The following SGCZ variants were observed in gnomAD, a reference collection of about 807,000 sequenced individuals.
SGCZ encodes zeta-sarcoglycan.
In SGCZ, 40 loss-of-function variants were observed where a neutral mutation model predicts 41.3. The ratio of observed to expected loss-of-function variants is 0.97; its 90% CI spans 0.75 to 1.26. The LOEUF is 1.26. Among genes scored for constraint, SGCZ ranks in the 50% most tolerant of loss-of-function variants. The probability of loss-of-function intolerance (pLI) is 0.00; values close to 1 mark genes in which losing one functional copy is unlikely to be tolerated. For synonymous variants in SGCZ, 206 were observed against 137.5 expected (o/e 1.50, Z -3.49); for missense variants, 552 against 369.8 (o/e 1.49, Z -4.04).
chr8:14,231,864 T>C (rs1347746301), intron 4 of SGCZ, among the ~76,000 whole-genome samples: 1 of 152,088 alleles, frequency 6.6e-6, no homozygotes, highest in Non-Finnish European at 1.5e-5. Context: ...TTACATTTCC[T>C]TTTACCCCTT....
At chr8:15,146,542 A>T (rs564724185) in intron 1 of SGCZ, among the ~76,000 whole-genome samples, 57 of 152,324 alleles carry the variant, frequency 3.7e-4, no homozygotes, top group African/African-American at 1.3e-3. Context: ...ACCTGGCAGG[A>T]GGCCAATTTT....
chr8:15,144,256 T>G (rs1245656156), intron 1 of SGCZ, among the ~76,000 whole-genome samples: 3 of 152,322 alleles, frequency 2.0e-5, no homozygotes, highest in Middle Eastern at 3.4e-3. Context: ...ATATTTCTTA[T>G]GCATTTTTAA....
intron 2 of SGCZ, among the ~76,000 whole-genome samples, chr8:14,447,808 A>G (rs1800475969): frequency 6.6e-6 from 1 of 152,188 alleles, no homozygotes; most frequent in Non-Finnish European, 1.5e-5. Context: ...ATGACTTTGC[A>G]TTGTTTGATC....
intron 3 of SGCZ, among the ~76,000 whole-genome samples, chr8:14,276,903 T>C (rs1800255196): frequency 6.6e-6 from 1 of 152,174 alleles, no homozygotes; most frequent in Non-Finnish European, 1.5e-5. Context: ...ATATAGGGTG[T>C]ACACCAAGTA....
chr8:14,722,993 G>A (rs562785724), intron 1 of SGCZ, among the ~76,000 whole-genome samples: 1 of 152,088 alleles, frequency 6.6e-6, no homozygotes, highest in South Asian at 2.1e-4. Context: ...TTCAAGTCAC[G>A]CAGATTCTAA....
intron 1 of SGCZ, among the ~76,000 whole-genome samples, chr8:14,830,976 AG>A (rs1388051652): frequency 5.3e-5 from 8 of 152,302 alleles, no homozygotes; most frequent in South Asian, 4.1e-4. Context: ...GTGTAGAAAG[AG>A]CTCTTGAAAG....
intron 1 of SGCZ, among the ~76,000 whole-genome samples, chr8:15,117,261 A>C (rs935921642): frequency 6.6e-6 from 1 of 152,046 alleles, no homozygotes; most frequent in Non-Finnish European, 1.5e-5. Context: ...CAGGGAGCTG[A>C]GGCAGGAGAA....
chr8:14,735,384 T>C (rs1798997268), intron 1 of SGCZ, among the ~76,000 whole-genome samples: 2 of 152,166 alleles, frequency 1.3e-5, no homozygotes, highest in South Asian at 4.1e-4. Flanking sequence ...ACAAAGCAGG[T>C]GGAAGAAGGT....
intron 1 of SGCZ, among the ~76,000 whole-genome samples, chr8:15,187,666 C>A (rs907070161): frequency 3.9e-5 from 6 of 152,064 alleles, no homozygotes; most frequent in African/African-American, 1.4e-4. Context: ...TTTGTCCCCA[C>A]AAAATCAAAA....
At chr8:14,647,984 G>A (rs1807278645) in intron 1 of SGCZ, among the ~76,000 whole-genome samples, 1 of 151,944 alleles carries the variant, frequency 6.6e-6, no homozygotes, top group Non-Finnish European at 1.5e-5. Context: ...AGCACACCTG[G>A]AGTGGATTCT....
At chr8:14,523,376 T>A (rs1004025374) in intron 2 of SGCZ, among the ~76,000 whole-genome samples, 1 of 152,040 alleles carries the variant, frequency 6.6e-6, no homozygotes. Flanking sequence ...CATTTTGTCC[T>A]CCATCTGATA....
At chr8:14,244,524 C>T (rs1417825902) in intron 3 of SGCZ, among the ~76,000 whole-genome samples, 3 of 152,070 alleles carry the variant, frequency 2.0e-5, no homozygotes, top group African/African-American at 4.8e-5. Context: ...AGTCAGGTAG[C>T]ATGATGCCTC....
intron 1 of SGCZ, among the ~76,000 whole-genome samples, chr8:14,873,479 T>C (rs1804239634): frequency 6.6e-6 from 1 of 152,100 alleles, no homozygotes; most frequent in Non-Finnish European, 1.5e-5. Flanking sequence ...ATTTGTAAGG[T>C]GGGGTTGATG....
intron 1 of SGCZ, among the ~76,000 whole-genome samples, chr8:15,113,767 C>T (rs1362022320): frequency 6.6e-6 from 1 of 152,156 alleles, no homozygotes; most frequent in Non-Finnish European, 1.5e-5. Context: ...CTCTACAATC[C>T]TCCTACAATC....
At chr8:14,761,085 T>G (rs1051507715) in intron 1 of SGCZ, among the ~76,000 whole-genome samples, 1 of 152,182 alleles carries the variant, frequency 6.6e-6, no homozygotes, top group Non-Finnish European at 1.5e-5. Flanking sequence ...GCCCTAATCA[T>G]CAAGTTTTAT....
intron 2 of SGCZ, among the ~76,000 whole-genome samples, chr8:14,363,686 G>A (rs575925854): frequency 3.9e-5 from 6 of 152,238 alleles, no homozygotes; most frequent in African/African-American, 1.4e-4. Flanking sequence ...TAACAGTTAT[G>A]CACAGTGGTT....
intron 1 of SGCZ, among the ~76,000 whole-genome samples, chr8:14,890,152 A>G (rs112415691): frequency 0.048 from 7,296 of 151,826 alleles, 499 homozygotes; most frequent in African/African-American, 0.15. Context: ...GGGAGGCGGA[A>G]GTTGCAGTGA....
intron 1 of SGCZ, among the ~76,000 whole-genome samples, chr8:15,092,699 A>G (rs1163418426): frequency 6.6e-6 from 1 of 152,232 alleles, no homozygotes; most frequent in African/African-American, 2.4e-5. Flanking sequence ...CAAAAGAACC[A>G]AGAAAATCAT....
At chr8:14,543,166 G>T (rs1803522256) in intron 2 of SGCZ, among the ~76,000 whole-genome samples, 1 of 151,872 alleles carries the variant, frequency 6.6e-6, no homozygotes. Flanking sequence ...TTCTAAGTAT[G>T]ATTAAAATAA....
Sources: allele counts gnomAD v4.1 joint callset (sites outside exome capture counted in the v4.1 genomes callset), GRCh38; gene constraint gnomAD v4.1.1; transcripts MANE v1.5; gene names NCBI Gene and HGNC (gene_info 2026-07-23, HGNC 2026-07-21).